SAMD3: variants seen among roughly 807,000 people sequenced by gnomAD.
SAMD3 encodes the protein sterile alpha motif domain containing 3.
SAMD3 carries 63 observed loss-of-function variants against 58.5 expected under a neutral mutation model. That is an observed-to-expected ratio of 1.08 (90% confidence interval 0.88 to 1.33). The LOEUF (loss-of-function observed/expected upper bound fraction) is 1.33. Ranked by LOEUF, SAMD3 falls within the 40% of genes most tolerant of loss-of-function variation. The pLI, the probability that SAMD3 is intolerant of heterozygous loss-of-function variation, is 0.00. For synonymous variants in SAMD3, 220 were observed against 210.3 expected (o/e 1.05, Z -0.40); for missense variants, 604 against 608.4 (o/e 0.99, Z 0.08).
chr6:130,182,430 G>A (rs1296830020), intron 7 of SAMD3, among the ~76,000 whole-genome samples: 1 of 152,030 alleles, frequency 6.6e-6, no homozygotes, highest in African/African-American at 2.4e-5. Context: ...CTCAGTCTGA[G>A]TGGTGAAAAA....
chr6:130,213,168 A>G (rs1428799372), intron 4 of SAMD3, among the ~76,000 whole-genome samples: 1 of 152,016 alleles, frequency 6.6e-6, no homozygotes, highest in Non-Finnish European at 1.5e-5. Context: ...CATGGTGTTG[A>G]GTGCCTGTAA....
At chr6:130,159,268 G>A (rs1262520036) in intron 8 of SAMD3, among the ~76,000 whole-genome samples, 1 of 152,150 alleles carries the variant, frequency 6.6e-6, no homozygotes, top group Non-Finnish European at 1.5e-5. Flanking sequence ...TTTGCCTGTT[G>A]CCATCCACAG....
intron 7 of SAMD3, 85 bp downstream of exon 7, chr6:130,184,018 G>A (rs1792669798): frequency 1.0e-6 from 1 of 995,058 alleles, no homozygotes; most frequent in Non-Finnish European, 1.6e-6. Context: ...GAAAAGATGG[G>A]TGAAGCATAA....
At chr6:130,276,435 G>A (rs1172034751) in intron 2 of SAMD3, among the ~76,000 whole-genome samples, 1 of 152,026 alleles carries the variant, frequency 6.6e-6, no homozygotes. Context: ...TTTTCTGCAA[G>A]AATAAACAAG....
chr6:130,310,693 C>T (rs1184673617), intron 2 of SAMD3, among the ~76,000 whole-genome samples: 1 of 152,192 alleles, frequency 6.6e-6, no homozygotes, highest in Non-Finnish European at 1.5e-5. Flanking sequence ...GATAATTTAA[C>T]ACCTGTGTAT....
intron 7 of SAMD3, among the ~76,000 whole-genome samples, chr6:130,182,174 T>C (rs937800085): frequency 1.1e-4 from 16 of 152,252 alleles, no homozygotes; most frequent in African/African-American, 3.9e-4. Flanking sequence ...GAATCAGTTT[T>C]GTCAGCCATA....
chr6:130,326,923 T>C (rs1776779202), intron 1 of SAMD3, among the ~76,000 whole-genome samples: 1 of 152,248 alleles, frequency 6.6e-6, no homozygotes, highest in Non-Finnish European at 1.5e-5. Context: ...AACTGTAAGA[T>C]AGTTATATTT....
intron 1 of SAMD3, among the ~76,000 whole-genome samples, chr6:130,356,523 T>C (rs1284233675): frequency 6.6e-6 from 1 of 152,214 alleles, no homozygotes; most frequent in African/African-American, 2.4e-5. Context: ...AAACATTATA[T>C]TACATATGTA....
At position 130,214,505 on chromosome 6, in the gene SAMD3, GCGGCCCCA is replaced by G. The variant is rs1582952891; in HGVS notation, c.93_100del (p.Gly32SerfsTer5). 1 of 1,597,906 alleles carries G rather than the reference GCGGCCCCA, an allele frequency of 6.3e-7. No homozygotes were observed. Among genetic ancestry groups the G allele is most frequent in the East Asian group, 2.3e-5 (1 of 44,250 alleles). On this transcript the variant is annotated frameshift_variant, in exon 4 of 12. Transcript: ENST00000439090. LOFTEE classifies it high-confidence loss of function. ...CATCCGATCATTAAGTGCAAGAAGA[GCGGCCCCA>G]CTTACTTCTTCCTCTGGGAAAAAGA... is the stretch of plus-strand genomic sequence containing the variant.
chr6:130,279,151 A>G (rs866630027), intron 2 of SAMD3, among the ~76,000 whole-genome samples: 1 of 152,180 alleles, frequency 6.6e-6, no homozygotes, highest in African/African-American at 2.4e-5. Flanking sequence ...AGATTATAGA[A>G]TTTAATGGAT....
intron 1 of SAMD3, among the ~76,000 whole-genome samples, chr6:130,315,650 TTATTCAG>T (rs1776337881): frequency 6.6e-6 from 1 of 152,214 alleles, no homozygotes; most frequent in Non-Finnish European, 1.5e-5. Flanking sequence ...CCTGCCTAAG[TTATTCAG>T]GATAGTAACT....
At chr6:130,182,260 TTG>T (rs1491272125) in intron 7 of SAMD3, among the ~76,000 whole-genome samples, 2 of 106,438 alleles carry the variant, frequency 1.9e-5, no homozygotes, top group East Asian at 5.2e-4. Flanking sequence ...TTCCTTCGCT[TTG>T]TTTTGTTTTT....
intron 2 of SAMD3, among the ~76,000 whole-genome samples, chr6:130,306,608 A>C (rs1245977492): frequency 6.6e-6 from 1 of 152,226 alleles, no homozygotes. Flanking sequence ...GTCTCTTGTC[A>C]GTGCCTCACA....
Position 130,309,702 on chromosome 6 carries a change from T to C in SAMD3, c.-188+3276A>G, listed in dbSNP as rs117390661. 4.9e-4 allele frequency among the ~76,000 whole-genome samples: 74 copies of C among 152,302 alleles called. No individual in the cohort carries two copies. The East Asian group carries it at 0.014, about 29-fold the overall frequency. On this transcript the variant is annotated intron_variant, in intron 2 of 13. Transcript: ENST00000368134. ...ACCTTACCAGAGGAAAGAAGTAAAC[T>C]TGAAGGACTTGGGACACCAATTATT... is the stretch of plus-strand genomic sequence containing the variant.
At chr6:130,250,148 A>T (rs1361677887) in intron 2 of SAMD3, among the ~76,000 whole-genome samples, 1 of 152,216 alleles carries the variant, frequency 6.6e-6, no homozygotes, top group African/African-American at 2.4e-5. Context: ...ACAGTGAGAC[A>T]GGTTTGGCTG....
chr6:130,355,667 G>C (rs1193222916), intron 1 of SAMD3, among the ~76,000 whole-genome samples: 1 of 152,138 alleles, frequency 6.6e-6, no homozygotes, highest in Non-Finnish European at 1.5e-5. Context: ...GGCAATAAAA[G>C]AAAATTGTGC....
At chr6:130,240,245 G>C (rs1562475671) in intron 2 of SAMD3, among the ~76,000 whole-genome samples, 1 of 152,152 alleles carries the variant, frequency 6.6e-6, no homozygotes, top group African/African-American at 2.4e-5. Flanking sequence ...ATAAGATGCT[G>C]TGGAATTCCT....
chr6:130,265,933 G>A (rs1225205982), intron 2 of SAMD3, among the ~76,000 whole-genome samples: 3 of 152,164 alleles, frequency 2.0e-5, no homozygotes, highest in African/African-American at 7.2e-5. Context: ...AAAAATAAAT[G>A]TGGATACTGG....
Position 130,321,255 on chromosome 6 carries a change from A to G in SAMD3, c.-303-8162T>C, listed in dbSNP as rs1035105963. 3.6e-4 allele frequency among the ~76,000 whole-genome samples: 55 copies of G among 152,166 alleles called. 1 individual carries two copies. The highest frequency in any genetic ancestry group is 1.3e-3 in the African/African-American group (55 of 41,442). ...TGTCAATTGCCTTACGGACAGACCT[A>G]TAAGGCAAGAAACTGATATCTGTGA... On this transcript the variant is annotated intron_variant, in intron 1 of 13. Transcript: ENST00000368134.
Sources: allele counts gnomAD v4.1 joint callset (sites outside exome capture counted in the v4.1 genomes callset), GRCh38; gene constraint gnomAD v4.1.1; transcripts MANE v1.5; gene names NCBI Gene and HGNC (gene_info 2026-07-23, HGNC 2026-07-21).